HTR3B: variants seen among roughly 807,000 people sequenced by gnomAD.
HTR3B encodes the protein 5-hydroxytryptamine receptor 3B, also known as 5-hydroxytryptamine (serotonin) receptor 3B, ionotropic.
A neutral mutation model predicts 42.8 loss-of-function variants in HTR3B; 44 were observed. The ratio of observed to expected loss-of-function variants is 1.03; its 90% CI spans 0.81 to 1.32. The LOEUF is 1.32. HTR3B is among the 40% of genes most tolerant of loss of function. The pLI, the probability that HTR3B is intolerant of heterozygous loss-of-function variation, is 0.00. For synonymous variants in HTR3B, 203 were observed against 209.0 expected, an observed-to-expected ratio of 0.97 and a Z score of 0.25; for missense variants, 527 against 536.5, an observed-to-expected ratio of 0.98 and a Z score of 0.17.
chr11:113,944,800 C>G (rs902278112), intron 8 of HTR3B, 45 bp downstream of exon 8: 1 of 1,574,256 alleles, frequency 6.4e-7, no homozygotes, highest in South Asian at 1.1e-5. Context: ...GATTGATCAC[C>G]TTAAAAATTC....
At chr11:113,935,935 T>C (rs969767313) in intron 6 of HTR3B, among the ~76,000 whole-genome samples, 4 of 152,080 alleles carry the variant, frequency 2.6e-5, no homozygotes, top group Admixed American at 1.3e-4. Flanking sequence ...GCCCCATGAG[T>C]TTCAGCTAAT....
intron 1 of HTR3B, among the ~76,000 whole-genome samples, chr11:113,907,428 T>C (rs1250226524): frequency 6.6e-6 from 1 of 152,218 alleles, no homozygotes; most frequent in Non-Finnish European, 1.5e-5. Flanking sequence ...CTCAGGCAAA[T>C]TTGCATTCAT....
At chr11:113,902,914 G>A (rs1388131736), upstream of HTR3B, among the ~76,000 whole-genome samples, 2 of 152,120 alleles carry the variant, frequency 1.3e-5, no homozygotes, top group East Asian at 3.9e-4. Flanking sequence ...TATTGCCCAG[G>A]CTGGAGTGCA....
At chr11:113,899,985 G>A (rs947016791), upstream of HTR3B, among the ~76,000 whole-genome samples, 7 of 152,288 alleles carry the variant, frequency 4.6e-5, no homozygotes, top group East Asian at 1.9e-4. Context: ...GTCCAAACAC[G>A]TTTGGGTGAG....
intron 8 of HTR3B, among the ~76,000 whole-genome samples, chr11:113,945,483 T>G (rs1950169625): frequency 6.6e-6 from 1 of 152,322 alleles, no homozygotes; most frequent in Middle Eastern, 3.4e-3. Context: ...CCAAAGTGAC[T>G]GAGCCATTGA....
intron 7 of HTR3B, among the ~76,000 whole-genome samples, chr11:113,944,329 T>A (rs1950159961): frequency 1.3e-5 from 2 of 152,120 alleles, no homozygotes; most frequent in South Asian, 4.1e-4. Flanking sequence ...TGAGGCCTTG[T>A]CTCTACCAAA....
intron 2 of HTR3B, among the ~76,000 whole-genome samples, chr11:113,916,670 C>T (rs778091447): frequency 6.6e-6 from 1 of 152,138 alleles, no homozygotes; most frequent in African/African-American, 2.4e-5. Flanking sequence ...ACTGAGTTAT[C>T]CAGTCCATAC....
chr11:113,909,861 G>A (rs1223464394), intron 2 of HTR3B, among the ~76,000 whole-genome samples: 1 of 151,924 alleles, frequency 6.6e-6, no homozygotes, highest in Admixed American at 6.6e-5. Flanking sequence ...ATGCATGCCT[G>A]TAGTTCCAGC....
At chr11:113,931,146 T>A (rs970702686) in intron 2 of HTR3B, among the ~76,000 whole-genome samples, 2 of 152,172 alleles carry the variant, frequency 1.3e-5, no homozygotes, top group African/African-American at 2.4e-5. Context: ...ATTCAAGATG[T>A]CAAGGGCAGG....
chr11:113,926,193 A>G (rs1253442114), intron 2 of HTR3B, among the ~76,000 whole-genome samples: 1 of 152,194 alleles, frequency 6.6e-6, no homozygotes, highest in Non-Finnish European at 1.5e-5. Context: ...CACATGCATC[A>G]GTATTTTATT....
chr11:113,938,786 C>T (rs1228672036), intron 6 of HTR3B, among the ~76,000 whole-genome samples: 1 of 152,064 alleles, frequency 6.6e-6, no homozygotes, highest in East Asian at 1.9e-4. Flanking sequence ...GGTGGATCAC[C>T]TGAAGTCAGG....
chr11:113,915,608 A>G (rs939691563), intron 2 of HTR3B, among the ~76,000 whole-genome samples: 6 of 152,172 alleles, frequency 3.9e-5, no homozygotes, highest in African/African-American at 1.4e-4. Context: ...GATTGTTTCC[A>G]TTTGGGGGCA....
intron 2 of HTR3B, among the ~76,000 whole-genome samples, chr11:113,913,030 G>A (rs972656834): frequency 7.4e-5 from 11 of 148,736 alleles, no homozygotes; most frequent in Non-Finnish European, 1.3e-4. Flanking sequence ...ATATAATATA[G>A]TAATTACATA....
intron 2 of HTR3B, among the ~76,000 whole-genome samples, chr11:113,914,985 CTCTT>C (rs1443299897): frequency 6.6e-6 from 1 of 152,078 alleles, no homozygotes; most frequent in East Asian, 1.9e-4. Flanking sequence ...AGAAATTTGT[CTCTT>C]TCATGCAGTT....
At position 113,931,698 on chromosome 11, in the gene HTR3B, C is replaced by G. The variant is rs139346523; in HGVS notation, c.259-60C>G. ...TATTAATCCAAATGCCTCTTTAGTT[C>G]TTTAGCGAAGTAGATATTGCCCCAT... is the stretch of plus-strand genomic sequence containing the variant. On this transcript the variant is annotated intron_variant, in intron 3 of 8. Transcript: ENST00000260191. 773 of 985,890 alleles carry G rather than the reference C, an allele frequency of 7.8e-4. 7 individuals carry two copies. Among genetic ancestry groups the G allele is most frequent in the East Asian group, 7.8e-3 (327 of 41,832 alleles). The allele number at this position is 985,890 out of a possible 1,614,324, so 61.1% of individuals were successfully genotyped here.
At chr11:113,926,912 A>G (rs1424377917) in intron 2 of HTR3B, among the ~76,000 whole-genome samples, 3 of 152,062 alleles carry the variant, frequency 2.0e-5, no homozygotes, top group African/African-American at 7.2e-5. Flanking sequence ...ATCCTTGCCA[A>G]TATTTGTTAT....
chr11:113,929,857 C>T (rs1025903515), intron 2 of HTR3B, among the ~76,000 whole-genome samples: 3 of 152,100 alleles, frequency 2.0e-5, no homozygotes, highest in Admixed American at 6.6e-5. Context: ...CTCAGCCGCC[C>T]GAGTAGCTGG....
intron 6 of HTR3B, among the ~76,000 whole-genome samples, chr11:113,942,030 T>G (rs979398551): frequency 6.6e-6 from 1 of 152,032 alleles, no homozygotes; most frequent in African/African-American, 2.4e-5. Context: ...GACACACAGG[T>G]GCTAAGGAGT....
intron 6 of HTR3B, among the ~76,000 whole-genome samples, chr11:113,941,369 C>T (rs2137536044): frequency 6.6e-6 from 1 of 152,302 alleles, no homozygotes; most frequent in East Asian, 1.9e-4. Context: ...TGCCATTCAC[C>T]TGTTTCTCTT....
Sources: gnomAD v4.1 joint callset for allele counts (sites outside exome capture counted in the v4.1 genomes callset) on GRCh38, gnomAD v4.1.1 for gene constraint, MANE v1.5 for transcripts, NCBI Gene and HGNC (gene_info 2026-07-23, HGNC 2026-07-21) for gene names.